Variants in HSD3B1 observed in about 807,000 individuals in gnomAD.
HSD3B1 encodes 3 beta-hydroxysteroid dehydrogenase/Delta 5-->4-isomerase type 1.
In HSD3B1, 11 loss-of-function variants were observed where a neutral mutation model predicts 10.4. The ratio of observed to expected loss-of-function variants is 1.05; its 90% CI spans 0.66 to 1.75. The LOEUF is 1.75. Ranked by LOEUF, HSD3B1 falls within the 40% of genes most tolerant of loss-of-function variation. HSD3B1 has a pLI of 0.00. For missense variants in HSD3B1, 490 were observed against 454.5 expected (o/e 1.08, Z -0.71); for synonymous variants, 217 against 185.4 (o/e 1.17, Z -1.39).
rs1040110895 is a variant in HSD3B1 at position 119,507,945 on chromosome 1, C to A, written c.145+324C>A. On this transcript the variant is annotated intron_variant, in intron 2 of 3. Coordinates refer to ENST00000369413, the MANE Select transcript of HSD3B1 (RefSeq NM_000862.3). ...TCTGCAACTCTTTTATGTTCTGAAGCTTTTGTCTTGGCAATTGCTGTACAA... is the reference window on the plus strand; with the variant it reads ...TCTGCAACTCTTTTATGTTCTGAAGATTTTGTCTTGGCAATTGCTGTACAA... The A allele has an allele frequency of 1.1e-5, 3 of 284,766 alleles. No homozygotes were observed. The South Asian group carries it at 1.2e-4, about 11-fold the overall frequency. 17.6% of individuals were successfully genotyped at this position (284,766 alleles called of 1,614,324 possible). A position where few individuals can be genotyped will look rare whatever the true frequency, so the allele number is the denominator to read the frequency against.
In HSD3B1 at chr1:119,514,605, T is replaced by A; in HGVS notation, c.1082T>A (p.Val361Glu). The change falls in exon 4 of 4, where the codon GTG becomes GAG. Residue 361 changes from valine to glutamate, a missense_variant. Transcript: ENST00000369413. ...QKTVEWVGSL[V>E]DRHKETLKSK... is the part of the protein sequence containing the mutation. ...ACGGTGGAGTGGGTTGGTTCCCTTG[T>A]GGACCGGCACAAGGAGACCCTGAAG... 1.2e-6 allele frequency: 2 copies of A among 1,613,894 alleles called. No individual in the cohort carries two copies. The highest frequency in any genetic ancestry group is 2.2e-5 in the South Asian group (2 of 91,066).
intron 2 of HSD3B1, among the ~76,000 whole-genome samples, chr1:119,508,523 G>A (rs140011520): frequency 4.8e-4 from 73 of 152,264 alleles, no homozygotes; most frequent in African/African-American, 1.6e-3. Flanking sequence ...ATCAAGGTCC[G>A]GAATCACAAA....
chr1:119,511,568 A>G lies in HSD3B1; in HGVS notation c.211A>G (p.Arg71Gly). Reference protein sequence around the residue: ...GDILDEPFLKRACQDVSVIIH... With the variant: ...GDILDEPFLKGACQDVSVIIH... ...CATTCTGGATGAGCCATTCCTGAAG[A>G]GAGCCTGCCAGGACGTCTCGGTCAT... The change falls in exon 3 of 4, where the codon AGA (arginine) becomes GGA (glycine). Residue 71 changes from arginine to glycine, a missense_variant. Coordinates refer to ENST00000369413, the MANE Select transcript of HSD3B1 (RefSeq NM_000862.3). The G allele has an allele frequency of 1.9e-6, 3 of 1,613,770 alleles. No individual in the cohort carries two copies. The highest frequency in any genetic ancestry group is 2.5e-6 in the Non-Finnish European group (3 of 1,179,734).
chr1:119,509,446 T>TCTA (rs1653877717), intron 2 of HSD3B1, among the ~76,000 whole-genome samples: 1 of 152,228 alleles, frequency 6.6e-6, no homozygotes, highest in Non-Finnish European at 1.5e-5. Context: ...TCTAGATCCC[T>TCTA]GGGAACTCAC....
chr1:119,510,324 C>T (rs1175457614), intron 2 of HSD3B1, among the ~76,000 whole-genome samples: 1 of 152,196 alleles, frequency 6.6e-6, no homozygotes, highest in Non-Finnish European at 1.5e-5. Context: ...TTGATGATAT[C>T]TGATAATAGT....
At chr1:119,511,993 C>T (rs1472713033) in intron 3 of HSD3B1, 1 of 293,438 alleles carries the variant, frequency 3.4e-6, no homozygotes, top group East Asian at 7.5e-5. Flanking sequence ...TGGTTCCAAT[C>T]AAAAGTCAAC....
At chr1:119,511,847 C>A (rs1653948244) in intron 3 of HSD3B1, 180 bp downstream of exon 3, 2 of 614,242 alleles carry the variant, frequency 3.3e-6, no homozygotes, top group Admixed American at 5.5e-5. Flanking sequence ...GATGATAAAA[C>A]TAGGACTGAG....
Position 119,514,759 on chromosome 1 carries a change from C to T in HSD3B1, c.*114C>T. 1 of 1,182,062 alleles carries T rather than the reference C, an allele frequency of 8.5e-7. No homozygotes were observed. Among genetic ancestry groups the T allele is most frequent in the Non-Finnish European group, 1.2e-6 (1 of 814,522 alleles). The allele number at this position is 1,182,062 out of a possible 1,614,324, so 73.2% of individuals were successfully genotyped here. On this transcript the variant is annotated 3_prime_UTR_variant, in exon 4 of 4. Transcript: ENST00000369413. ...GCACAAGCTCAGGTCCTGCTGCCTC[C>T]CTTTCATACAATGGCCAACTTATTG...
intron 2 of HSD3B1, among the ~76,000 whole-genome samples, chr1:119,511,048 T>C (rs587692871): frequency 1.3e-5 from 2 of 152,288 alleles, no homozygotes; most frequent in African/African-American, 2.4e-5. Flanking sequence ...GCTTGGCCTT[T>C]TTGTCATTTT....
In HSD3B1 at chr1:119,514,758, C is replaced by A; in HGVS notation, c.*113C>A. The A allele has an allele frequency of 1.7e-6, 2 of 1,183,072 alleles. No individual in the cohort carries two copies. Among genetic ancestry groups the A allele is most frequent in the South Asian group, 2.7e-5 (2 of 75,350 alleles). The allele number at this position is 1,183,072 out of a possible 1,614,324, so 73.3% of individuals were successfully genotyped here. ...GGCACAAGCTCAGGTCCTGCTGCCT[C>A]CCTTTCATACAATGGCCAACTTATT... On this transcript the variant is annotated 3_prime_UTR_variant, in exon 4 of 4. Coordinates refer to ENST00000369413, the MANE Select transcript of HSD3B1 (RefSeq NM_000862.3).
chr1:119,509,946 G>A (rs1282507682), intron 2 of HSD3B1, among the ~76,000 whole-genome samples: 1 of 152,198 alleles, frequency 6.6e-6, no homozygotes, highest in Non-Finnish European at 1.5e-5. Context: ...CAGGGTGGGC[G>A]TGTTTAAGCC....
chr1:119,512,489 AC>A (rs1653965091), intron 3 of HSD3B1, among the ~76,000 whole-genome samples: 1 of 151,258 alleles, frequency 6.6e-6, no homozygotes, highest in African/African-American at 2.4e-5. Context: ...GCACCATAGC[AC>A]CCCAAACCCC....
At chr1:119,510,230 G>A (rs1653894617) in intron 2 of HSD3B1, among the ~76,000 whole-genome samples, 1 of 152,196 alleles carries the variant, frequency 6.6e-6, no homozygotes, top group South Asian at 2.1e-4. Flanking sequence ...TGAAGACATT[G>A]ATGTTGTAAC....
intron 2 of HSD3B1, chr1:119,507,873 C>T (rs1052559691): frequency 9.8e-6 from 4 of 406,642 alleles, no homozygotes; most frequent in South Asian, 8.0e-5. Flanking sequence ...AGCCTCCAGG[C>T]CTCTTTTCTT....
chr1:119,511,528 A>G lies in HSD3B1; in HGVS notation c.171A>G (p.Thr57=), dbSNP rs150491503. 178 of 1,613,844 alleles carry G rather than the reference A, an allele frequency of 1.1e-4. No homozygotes were observed. In the African/African-American group the frequency reaches 2.2e-3, roughly 20 times the overall value. Residue 57 remains threonine, a synonymous_variant, in exon 3 of 4, where the codon ACA becomes ACG. Coordinates refer to ENST00000369413, the MANE Select transcript of HSD3B1 (RefSeq NM_000862.3). The part of the protein sequence containing the change: ...FSKLQNKTKL[T]VLEGDILDEP... Reference sequence around the variant, plus strand: ...AACTCCAGAACAAGACCAAGCTGACAGTGCTGGAAGGAGACATTCTGGATG... The same window carrying G: ...AACTCCAGAACAAGACCAAGCTGACGGTGCTGGAAGGAGACATTCTGGATG...
intron 2 of HSD3B1, among the ~76,000 whole-genome samples, chr1:119,508,176 G>C (rs910531631): frequency 6.6e-6 from 1 of 152,068 alleles, no homozygotes; most frequent in Non-Finnish European, 1.5e-5. Flanking sequence ...GAGTCGGGGA[G>C]AGAGAGTCGG....
At chr1:119,508,515 C>T (rs749062769) in intron 2 of HSD3B1, among the ~76,000 whole-genome samples, 4 of 152,336 alleles carry the variant, frequency 2.6e-5, no homozygotes, top group African/African-American at 9.6e-5. Context: ...ATGAACGCAT[C>T]AAGGTCCGGA....
chr1:119,509,682 A>G (rs1360223071), intron 2 of HSD3B1, among the ~76,000 whole-genome samples: 1 of 152,134 alleles, frequency 6.6e-6, no homozygotes, highest in East Asian at 1.9e-4. Flanking sequence ...GTTGCCTGAC[A>G]ACGGGAAGAG....
rs1016234714 is a variant in HSD3B1 at position 119,515,000 on chromosome 1, C to A, written c.*355C>A. On this transcript the variant is annotated 3_prime_UTR_variant, in exon 4 of 4. Coordinates refer to ENST00000369413, the MANE Select transcript of HSD3B1 (RefSeq NM_000862.3). Reference sequence around the variant, plus strand: ...AGAAAGGATTTCCTTTCTTTTTAATCTTCCATTCCTTCACATAGTTTGATA... The same window carrying A: ...AGAAAGGATTTCCTTTCTTTTTAATATTCCATTCCTTCACATAGTTTGATA... 3.7e-6 allele frequency: 1 copy of A among 267,228 alleles called. No homozygotes were observed. Among genetic ancestry groups the A allele is most frequent in the African/African-American group, 2.2e-5 (1 of 44,776 alleles). 16.6% of individuals were successfully genotyped at this position (267,228 alleles called of 1,614,324 possible). A position where few individuals can be genotyped will look rare whatever the true frequency, so the allele number is the denominator to read the frequency against.
Sources: gnomAD v4.1 joint callset for allele counts (sites outside exome capture counted in the v4.1 genomes callset) on GRCh38, gnomAD v4.1.1 for gene constraint, MANE v1.5 for transcripts, NCBI Gene and HGNC (gene_info 2026-07-23, HGNC 2026-07-21) for gene names.